The following MAPK8IP3 variants were observed in gnomAD, a reference collection of about 807,000 sequenced individuals.
MAPK8IP3 encodes the protein mitogen-activated protein kinase 8 interacting protein 3.
MAPK8IP3 carries 49 observed loss-of-function variants against 157.8 expected under a neutral mutation model. The observed-to-expected ratio is 0.31, with a 90% CI of 0.25 to 0.39. MAPK8IP3 has a LOEUF of 0.39. Among genes scored for constraint, MAPK8IP3 ranks in the 10% least tolerant of loss-of-function variants. The pLI is 1.00. For missense variants in MAPK8IP3, 1,478 were observed against 1,889.4 expected (o/e 0.78, Z 4.04); for synonymous variants, 897 against 777.7 (o/e 1.15, Z -2.55).
At chr16:1,731,612 C>T (rs2039322288) in intron 4 of MAPK8IP3, among the ~76,000 whole-genome samples, 1 of 152,224 alleles carries the variant, frequency 6.6e-6, no homozygotes, top group Middle Eastern at 3.2e-3. Context: ...ATATTTCCAA[C>T]TTCCTTTAAA....
At chr16:1,750,913 G>A (rs1217643080) in intron 8 of MAPK8IP3, among the ~76,000 whole-genome samples, 1 of 152,078 alleles carries the variant, frequency 6.6e-6, no homozygotes, top group African/African-American at 2.4e-5. Context: ...CAGAGTGCTG[G>A]GATTACAGGC....
intron 8 of MAPK8IP3, among the ~76,000 whole-genome samples, chr16:1,753,314 G>A (rs570324003): frequency 6.6e-6 from 1 of 152,150 alleles, no homozygotes; most frequent in Non-Finnish European, 1.5e-5. Flanking sequence ...GAGGTAGGCT[G>A]TTGCTGTGTT....
chr16:1,768,648 G>C (rs2042426054), intron 31 of MAPK8IP3, 22 bp downstream of exon 31: 1 of 1,610,448 alleles, frequency 6.2e-7, no homozygotes, highest in African/African-American at 1.3e-5. Context: ...CCAGGGACAG[G>C]GCTGAGGTTG....
In MAPK8IP3 at chr16:1,758,145, C is replaced by T; in HGVS notation, c.1217-3C>T. On this transcript the variant is annotated splice_polypyrimidine_tract_variant and splice_region_variant and intron_variant, in intron 8 of 31. Coordinates refer to ENST00000610761, the MANE Select transcript of MAPK8IP3 (RefSeq NM_001318852.2). ...CCTCTCTGTGCGTCGCTGGACTCGCCAGGGGAGTTCTCAGGTGAGTATCTC... is the reference window on the plus strand; with the variant it reads ...CCTCTCTGTGCGTCGCTGGACTCGCTAGGGGAGTTCTCAGGTGAGTATCTC... 6.2e-7 allele frequency: 1 copy of T among 1,613,806 alleles called. No individual in the cohort carries two copies. The highest frequency in any genetic ancestry group is 1.1e-5 in the South Asian group (1 of 91,064).
rs758282155 is a variant in MAPK8IP3 at position 1,766,162 on chromosome 16, C to T, written c.2629+20C>T. 4.6e-5 allele frequency: 73 copies of T among 1,602,188 alleles called. 1 individual carries two copies. In the Admixed American group the frequency reaches 1.2e-3, roughly 25 times the overall value. On this transcript the variant is annotated intron_variant, in intron 21 of 31. Coordinates refer to ENST00000610761, the MANE Select transcript of MAPK8IP3 (RefSeq NM_001318852.2). ...GGCAGGGTGAGTCCTGGGCGAGTTT[C>T]CCCCATCCCCTCATTCCCACGTTTC...
chr16:1,740,117 C>T (rs200131028), intron 4 of MAPK8IP3, among the ~76,000 whole-genome samples: 7 of 111,292 alleles, frequency 6.3e-5, no homozygotes, highest in East Asian at 2.8e-4. Flanking sequence ...TGTGACCGTC[C>T]GTGTGAGCGT....
At chr16:1,749,013 T>C (rs1022615205) in intron 8 of MAPK8IP3, 4 of 476,600 alleles carry the variant, frequency 8.4e-6, no homozygotes, top group Non-Finnish European at 1.6e-5. Context: ...GGTTATGTTG[T>C]AGATGCTGTG....
Position 1,735,776 on chromosome 16 carries a change from TGA to T in MAPK8IP3, c.602+6202_602+6203del, listed in dbSNP as rs371703327. On this transcript the variant is annotated intron_variant, in intron 4 of 31. Transcript: ENST00000610761. ...GTGAGCATCCGTGTGACCGTCCATG[TGA>T]GAGTGTGACCGTCCATGTGAGCATC... Among the ~76,000 whole-genome samples, 1,018 of 129,992 alleles carry T rather than the reference TGA, an allele frequency of 7.8e-3. 9 individuals carry two copies. Among genetic ancestry groups the T allele is most frequent in the South Asian group, 0.02 (71 of 3,540 alleles). 85.3% of individuals were successfully genotyped at this position (129,992 alleles called of 152,430 possible). A position where few individuals can be genotyped will look rare whatever the true frequency, so the allele number is the denominator to read the frequency against.
At chr16:1,725,581 C>T (rs998959771) in intron 2 of MAPK8IP3, among the ~76,000 whole-genome samples, 5 of 151,146 alleles carry the variant, frequency 3.3e-5, no homozygotes, top group African/African-American at 7.3e-5. Flanking sequence ...GAGCCAAGAT[C>T]GTGCCACTGC....
rs543100938 is a variant in MAPK8IP3, at chr16:1,764,885, G to A, written c.2281-128G>A. The A allele has an allele frequency of 6.3e-4, 553 of 879,086 alleles. 1 individual carries two copies. The highest frequency in any genetic ancestry group is 1.1e-3 in the Middle Eastern group (3 of 2,818). The allele number at this position is 879,086 out of a possible 1,614,324, so 54.5% of individuals were successfully genotyped here. A position where few individuals can be genotyped will look rare whatever the true frequency, so the allele number is the denominator to read the frequency against. ...CCGCATTGTTCTGGTCCTGGGGGAGGACAGCCATGTCCCCTCAAGCTGTAG... is the reference window on the plus strand; with the variant it reads ...CCGCATTGTTCTGGTCCTGGGGGAGAACAGCCATGTCCCCTCAAGCTGTAG... On this transcript the variant is annotated intron_variant, in intron 19 of 31. Coordinates refer to ENST00000610761, the MANE Select transcript of MAPK8IP3 (RefSeq NM_001318852.2).
intron 8 of MAPK8IP3, chr16:1,752,389 G>C (rs2141882547): frequency 3.8e-6 from 1 of 265,960 alleles, no homozygotes; most frequent in East Asian, 1.6e-4. Context: ...ACGACAGGCT[G>C]CTCTTGGGAG....
In MAPK8IP3 at chr16:1,742,861, G is replaced by A. The variant is rs191396804; in HGVS notation, c.603-471G>A. On this transcript the variant is annotated intron_variant, in intron 4 of 31. Transcript: ENST00000610761. This position sits in a 1 kb window ranked among gnomAD's most constrained non-coding sequence, Gnocchi z 5.0. The stretch of plus-strand genomic sequence containing the variant: ...ACTTAGGCCGGGCGCGGTGGCTCAC[G>A]CCTGTAATCCCAGCACTGTGGGAGG... 3.1e-4 allele frequency among the ~76,000 whole-genome samples: 47 copies of A among 152,224 alleles called. No homozygotes were observed. The highest frequency in any genetic ancestry group is 4.6e-4 in the Non-Finnish European group (31 of 68,004).
chr16:1,711,942 C>CA (rs751305952), intron 1 of MAPK8IP3, among the ~76,000 whole-genome samples: 218 of 51,976 alleles, frequency 4.2e-3, no homozygotes, highest in South Asian at 5.4e-3. Context: ...GACTCCGTCT[C>CA]AAAAAAAAAA....
In MAPK8IP3 at chr16:1,768,865, C is replaced by T. The variant is rs764351198; in HGVS notation, c.*41C>T. The stretch of plus-strand genomic sequence containing the variant: ...TGGCCCGACCTGTACATAGGACCCC[C>T]GACCACCTGACCCCCGCCCGGCCCG... On this transcript the variant is annotated 3_prime_UTR_variant, in exon 32 of 32. Transcript: ENST00000610761. The T allele has an allele frequency of 2.1e-5, 33 of 1,600,760 alleles. No individual in the cohort carries two copies. The highest frequency in any genetic ancestry group is 6.7e-5 in the East Asian group (3 of 44,620).
At chr16:1,756,261 C>T (rs1174317396) in intron 8 of MAPK8IP3, among the ~76,000 whole-genome samples, 1 of 152,208 alleles carries the variant, frequency 6.6e-6, no homozygotes, top group African/African-American at 2.4e-5. Flanking sequence ...AGGCCAGGGG[C>T]GGTGGCTCAT....
Position 1,767,698 on chromosome 16 carries a change from G to C in MAPK8IP3, c.3372G>C (p.Gln1124His). 1.9e-6 allele frequency: 3 copies of C among 1,612,794 alleles called. No individual in the cohort carries two copies. The highest frequency in any genetic ancestry group is 2.5e-6 in the Non-Finnish European group (3 of 1,179,960). ...LYHAHTHQHL[Q>H]DVDIEPYVSK... ...ATGCACACACGCACCAGCATCTACA[G>C]GACGTGGACATTGAGCCCTACGTCA... Residue 1124 changes from glutamine (Q) to histidine (H), a missense_variant, in exon 27 of 32, where the codon CAG becomes CAC. Physicochemically the swap from Gln to His is conservative, Grantham distance 24. Transcript: ENST00000610761.
At chr16:1,737,203 ACCAT>A (rs1446260718) in intron 4 of MAPK8IP3, among the ~76,000 whole-genome samples, 1 of 72,002 alleles carries the variant, frequency 1.4e-5, no homozygotes, top group Admixed American at 1.8e-4. Context: ...TGAGCGTGTG[ACCAT>A]CCGTGAGAGT....
chr16:1,744,019 G>A (rs2040829009), intron 5 of MAPK8IP3: 1 of 992,364 alleles, frequency 1.0e-6, no homozygotes, highest in Non-Finnish European at 1.2e-6. Context: ...AGAAAGCAGA[G>A]CCTCGCCCCA....
rs1362547308 is a variant in MAPK8IP3 at position 1,751,400 on chromosome 16, A to G, written c.1216+2680A>G. 6.6e-6 allele frequency among the ~76,000 whole-genome samples: 1 copy of G among 152,074 alleles called. No individual in the cohort carries two copies. Among genetic ancestry groups the G allele is most frequent in the Non-Finnish European group, 1.5e-5 (1 of 68,004 alleles). The stretch of plus-strand genomic sequence containing the variant: ...TTTGAACCCAGGAAGCGGAGATTGC[A>G]GTGAGCTGAGATCGCACCATTGCAC... On this transcript the variant is annotated intron_variant, in intron 8 of 31. Coordinates refer to ENST00000610761, the MANE Select transcript of MAPK8IP3 (RefSeq NM_001318852.2). This position sits in a 1 kb window ranked among gnomAD's most constrained non-coding sequence, Gnocchi z 5.0.
Sources: gnomAD v4.1 joint callset for allele counts (sites outside exome capture counted in the v4.1 genomes callset) on GRCh38, gnomAD v4.1.1 for gene constraint, Gnocchi (gnomAD v3.1) non-coding constraint, MANE v1.5 for transcripts, NCBI Gene and HGNC (gene_info 2026-07-23, HGNC 2026-07-21) for gene names.